The following STK3 variants were observed in gnomAD, a reference collection of about 807,000 sequenced individuals.
The protein encoded by STK3 is serine/threonine kinase 3.
In STK3, 41 loss-of-function variants were observed where a neutral mutation model predicts 58.0. The observed-to-expected ratio is 0.71, with a 90% CI of 0.55 to 0.92. STK3 has a LOEUF of 0.92. STK3 is among the 40% of genes least tolerant of loss of function. The probability of loss-of-function intolerance (pLI) is 0.00; values close to 1 mark genes in which losing one functional copy is unlikely to be tolerated. For synonymous variants in STK3, 170 were observed against 191.0 expected (o/e 0.89, Z 0.91); for missense variants, 479 against 602.7 (o/e 0.79, Z 2.15).
chr8:98,577,735 G>A (rs1055948582), intron 8 of STK3, among the ~76,000 whole-genome samples: 6 of 152,034 alleles, frequency 3.9e-5, no homozygotes, highest in East Asian at 1.9e-4. Flanking sequence ...AATGAATCAC[G>A]TAACTAAGAC....
At chr8:98,535,835 T>C (rs1321901850) in intron 9 of STK3, among the ~76,000 whole-genome samples, 6 of 152,284 alleles carry the variant, frequency 3.9e-5, no homozygotes, top group Non-Finnish European at 7.4e-5. Flanking sequence ...GGGGAAATTT[T>C]AATCTTCTAT....
At chr8:98,793,969 A>G (rs931510075) in intron 1 of STK3, among the ~76,000 whole-genome samples, 5 of 152,224 alleles carry the variant, frequency 3.3e-5, no homozygotes, top group Admixed American at 2.6e-4. Context: ...ATTAAATTAA[A>G]GCAGAAATCA....
intron 1 of STK3, among the ~76,000 whole-genome samples, chr8:98,885,008 G>A (rs1837928676): frequency 6.6e-6 from 1 of 152,220 alleles, no homozygotes; most frequent in African/African-American, 2.4e-5. Context: ...TGGGCATGGT[G>A]TTGTAAAACA....
intron 6 of STK3, chr8:98,598,300 A>G: frequency 2.0e-6 from 2 of 985,398 alleles, no homozygotes; most frequent in Non-Finnish European, 2.4e-6. Flanking sequence ...TTAGAAACCC[A>G]AGGATAAAAA....
chr8:98,796,997 C>T (rs1357905248), intron 1 of STK3, among the ~76,000 whole-genome samples: 1 of 152,172 alleles, frequency 6.6e-6, no homozygotes, highest in Non-Finnish European at 1.5e-5. Flanking sequence ...TTAAAGTCAC[C>T]AACCTCACCA....
intron 1 of STK3, among the ~76,000 whole-genome samples, chr8:98,903,128 C>T (rs1838722244): frequency 1.3e-5 from 2 of 152,178 alleles, no homozygotes. Context: ...GACTCTAATA[C>T]CCTAAGGGGC....
chr8:98,564,982 A>T (rs1812359104), intron 8 of STK3, among the ~76,000 whole-genome samples: 1 of 152,184 alleles, frequency 6.6e-6, no homozygotes, highest in African/African-American at 2.4e-5. Context: ...TGTGGGTGGT[A>T]TATGGAAACT....
chr8:98,923,864 CGCGCGCGCGCGCGT>C (rs1564107649), intron 1 of STK3, among the ~76,000 whole-genome samples: 3 of 123,988 alleles, frequency 2.4e-5, no homozygotes, highest in Non-Finnish European at 1.8e-5. Flanking sequence ...TGCGCGCGCG[CGCGCGCGCGCGCGT>C]TGACAATGAT....
chr8:98,658,356 T>C (rs1821705217), intron 6 of STK3, among the ~76,000 whole-genome samples: 1 of 152,042 alleles, frequency 6.6e-6, no homozygotes, highest in Non-Finnish European at 1.5e-5. Flanking sequence ...CTGAGATTAG[T>C]ACCTGCAGGG....
chr8:98,905,557 A>G lies in STK3; in HGVS notation c.-78-21723T>C, dbSNP rs1424096942. On this transcript the variant is annotated intron_variant, in intron 1 of 1. Transcript: ENST00000519420. ...GCCGTCTTGTCTTCTATGTGTACAA[A>G]GCCGTAGTTCTTAATGATGTCACAT... 19 of 1,066,490 alleles carry G rather than the reference A, an allele frequency of 1.8e-5. No individual in the cohort carries two copies. The East Asian group carries it at 4.5e-4, about 26-fold the overall frequency. 66.1% of individuals were successfully genotyped at this position (1,066,490 alleles called of 1,614,324 possible). A position where few individuals can be genotyped will look rare whatever the true frequency, so the allele number is the denominator to read the frequency against.
intron 6 of STK3, among the ~76,000 whole-genome samples, chr8:98,661,027 C>T (rs1023132011): frequency 1.3e-5 from 2 of 151,410 alleles, no homozygotes. Flanking sequence ...ACAATGAAAT[C>T]AAGAGTACAG....
intron 4 of STK3, among the ~76,000 whole-genome samples, chr8:98,739,554 C>T (rs1184396565): frequency 1.3e-5 from 2 of 148,288 alleles, no homozygotes; most frequent in African/African-American, 5.0e-5. Flanking sequence ...AGAAGGAAAA[C>T]TAACAAACAG....
chr8:98,746,201 A>T (rs1049994456), intron 4 of STK3, among the ~76,000 whole-genome samples: 5 of 152,216 alleles, frequency 3.3e-5, no homozygotes, highest in African/African-American at 1.2e-4. Flanking sequence ...AGATAGAAAC[A>T]AAAACCTTAA....
chr8:98,429,261 C>T lies in STK3; in HGVS notation n.483+4866G>A, dbSNP rs770948960. The T allele has an allele frequency of 4.8e-5, 77 of 1,613,962 alleles. No individual in the cohort carries two copies. The highest frequency in any genetic ancestry group is 1.2e-4 in the South Asian group (11 of 91,094). ...CCAAAAGCAACTTGAGAGTGCCATG[C>T]GCAGCTGTGACTTTGGAGATGGAAT... On this transcript the variant is annotated intron_variant and non_coding_transcript_variant, in intron 3 of 3. Coordinates refer to the STK3 transcript ENST00000517832.
chr8:98,468,821 A>C (rs1452333847), intron 10 of STK3, among the ~76,000 whole-genome samples: 1 of 152,224 alleles, frequency 6.6e-6, no homozygotes, highest in Non-Finnish European at 1.5e-5. Flanking sequence ...ACAGAAAATA[A>C]AGATGAGAGC....
rs565313286 is a variant in STK3 at position 98,940,593 on chromosome 8, C to T, written c.-79+1785G>A. Among the ~76,000 whole-genome samples the T allele has an allele frequency of 1.1e-3, 171 of 152,196 alleles. 1 individual carries two copies. Among genetic ancestry groups the T allele is most frequent in the Middle Eastern group, 3.4e-3 (1 of 294 alleles). On this transcript the variant is annotated intron_variant, in intron 1 of 1. Coordinates refer to the STK3 transcript ENST00000519420. ...AGGAACGACCCTCAGCTCCCGCAGA[C>T]GCGGGAAGGCCCCCGCGCCATCCGT...
At chr8:98,560,351 A>AGT (rs915830537) in intron 8 of STK3, among the ~76,000 whole-genome samples, 4 of 152,118 alleles carry the variant, frequency 2.6e-5, no homozygotes, top group African/African-American at 9.7e-5. Flanking sequence ...AATAAAAATT[A>AGT]GTGTGTGTGG....
chr8:98,633,665 G>T, intron 6 of STK3: 1 of 705,650 alleles, frequency 1.4e-6, no homozygotes, highest in Non-Finnish European at 2.7e-6. Context: ...ATCCTGTACA[G>T]AAACTCTTTA....
intron 9 of STK3, among the ~76,000 whole-genome samples, chr8:98,536,763 T>C (rs1809798682): frequency 6.6e-6 from 1 of 152,218 alleles, no homozygotes; most frequent in African/African-American, 2.4e-5. Context: ...GGTTTATTGG[T>C]ACATACAGTC....
Sources: allele counts gnomAD v4.1 joint callset (sites outside exome capture counted in the v4.1 genomes callset), GRCh38; gene constraint gnomAD v4.1.1; transcripts MANE v1.5; gene names NCBI Gene and HGNC (gene_info 2026-07-23, HGNC 2026-07-21).